The following COBL variants were observed in gnomAD, a reference collection of about 807,000 sequenced individuals.
COBL encodes the protein protein cordon-bleu.
In COBL, 51 loss-of-function variants were observed where a neutral mutation model predicts 98.8. The ratio of observed to expected loss-of-function variants is 0.52; its 90% CI spans 0.41 to 0.65. The LOEUF (loss-of-function observed/expected upper bound fraction) is 0.65. COBL is among the 30% of genes least tolerant of loss of function. The pLI, the probability that COBL is intolerant of heterozygous loss-of-function variation, is 0.00. For synonymous variants in COBL, 634 were observed against 651.7 expected, an observed-to-expected ratio of 0.97 and a Z score of 0.41; for missense variants, 1,617 against 1,617.5, an observed-to-expected ratio of 1.00 and a Z score of 0.01.
intron 1 of COBL, among the ~76,000 whole-genome samples, chr7:51,241,172 G>C (rs1795754569): frequency 6.6e-6 from 1 of 152,222 alleles, no homozygotes; most frequent in Non-Finnish European, 1.5e-5. Flanking sequence ...GATTATTAGA[G>C]AGAGCAAATT....
intron 1 of COBL, among the ~76,000 whole-genome samples, chr7:51,295,285 CA>C (rs10628772): frequency 3.0e-4 from 41 of 137,752 alleles, no homozygotes; most frequent in Non-Finnish European, 4.3e-4. Context: ...GACTCTGGCT[CA>C]AAAAAAAAAA....
chr7:51,192,297 T>C (rs1239457526), intron 3 of COBL, among the ~76,000 whole-genome samples: 1 of 152,168 alleles, frequency 6.6e-6, no homozygotes, highest in Non-Finnish European at 1.5e-5. Flanking sequence ...AAAAGATTAA[T>C]ATCAAAGCCT....
intron 5 of COBL, among the ~76,000 whole-genome samples, chr7:51,180,166 T>C (rs1348510208): frequency 1.3e-5 from 2 of 152,230 alleles, no homozygotes; most frequent in African/African-American, 2.4e-5. Context: ...CACTGGTTAT[T>C]TTACAAGGCT....
intron 1 of COBL, among the ~76,000 whole-genome samples, chr7:51,237,256 T>C (rs907146105): frequency 2.0e-5 from 3 of 152,196 alleles, no homozygotes; most frequent in Non-Finnish European, 4.4e-5. Flanking sequence ...GAGCTGAAAG[T>C]TAATTTTTTC....
intron 8 of COBL, among the ~76,000 whole-genome samples, chr7:51,037,066 GTCTCTC>G (rs149495968): frequency 6.6e-6 from 1 of 151,626 alleles, no homozygotes; most frequent in East Asian, 1.9e-4. Context: ...CTCTCTCTCT[GTCTCTC>G]TCTCTCTTAT....
chr7:51,233,421 T>TG (rs200687635), intron 1 of COBL, among the ~76,000 whole-genome samples: 5 of 127,016 alleles, frequency 3.9e-5, no homozygotes, highest in Non-Finnish European at 1.8e-5. Flanking sequence ...TTTCCTTCAG[T>TG]GGGGGGAAAA....
intron 6 of COBL, among the ~76,000 whole-genome samples, chr7:51,090,021 C>G (rs756291644): frequency 3.3e-5 from 5 of 152,164 alleles, no homozygotes; most frequent in Non-Finnish European, 7.3e-5. Context: ...TTAAAACACT[C>G]TGTAATTTTA....
At chr7:51,286,692 T>C (rs981037527) in intron 1 of COBL, among the ~76,000 whole-genome samples, 5 of 152,170 alleles carry the variant, frequency 3.3e-5, no homozygotes, top group Non-Finnish European at 7.4e-5. Context: ...CTGTGGAAAG[T>C]AGTTTAGAGA....
At chr7:51,059,319 A>G (rs1006291818) in intron 7 of COBL, among the ~76,000 whole-genome samples, 3 of 152,198 alleles carry the variant, frequency 2.0e-5, no homozygotes, top group African/African-American at 7.2e-5. Context: ...ACTCATTTTT[A>G]TCAGTTGGCC....
chr7:51,221,588 T>C (rs1239110774), intron 1 of COBL, among the ~76,000 whole-genome samples: 1 of 152,204 alleles, frequency 6.6e-6, no homozygotes, highest in Non-Finnish European at 1.5e-5. Context: ...CAGAATATTA[T>C]TTGTTTAGGA....
intron 1 of COBL, among the ~76,000 whole-genome samples, chr7:51,302,299 G>A (rs1403882093): frequency 6.6e-6 from 1 of 152,072 alleles, no homozygotes; most frequent in Non-Finnish European, 1.5e-5. Context: ...TCACAATTCT[G>A]GACTGGGCGC....
At chr7:51,294,431 G>C (rs1801214355) in intron 1 of COBL, among the ~76,000 whole-genome samples, 1 of 151,622 alleles carries the variant, frequency 6.6e-6, no homozygotes, top group Non-Finnish European at 1.5e-5. Flanking sequence ...TCAGAAGGTA[G>C]AGACCAGCCT....
At chr7:51,227,102 A>G (rs1794278746) in intron 1 of COBL, among the ~76,000 whole-genome samples, 1 of 152,166 alleles carries the variant, frequency 6.6e-6, no homozygotes, top group African/African-American at 2.4e-5. Context: ...GACACATACT[A>G]GAACGCTGGT....
chr7:51,086,416 G>A (rs1794252881), intron 6 of COBL, among the ~76,000 whole-genome samples: 2 of 148,878 alleles, frequency 1.3e-5, no homozygotes, highest in African/African-American at 4.9e-5. Flanking sequence ...TATGACAAGA[G>A]CTGTCCTGCT....
At chr7:51,162,625 G>A (rs924111078) in intron 5 of COBL, among the ~76,000 whole-genome samples, 2 of 152,092 alleles carry the variant, frequency 1.3e-5, no homozygotes, top group African/African-American at 2.4e-5. Flanking sequence ...GGAGGGCTCC[G>A]GTCAGGTTTA....
intron 6 of COBL, among the ~76,000 whole-genome samples, chr7:51,086,380 A>T (rs922732025): frequency 1.1e-4 from 16 of 148,380 alleles, no homozygotes; most frequent in Non-Finnish European, 3.0e-5. Flanking sequence ...AAAAAAAAAA[A>T]AAAAGAATGA....
chr7:51,084,623 A>G (rs1313945981), intron 7 of COBL, among the ~76,000 whole-genome samples: 1 of 152,160 alleles, frequency 6.6e-6, no homozygotes, highest in African/African-American at 2.4e-5. Flanking sequence ...CACAGATAGT[A>G]TAATTCCATC....
intron 1 of COBL, among the ~76,000 whole-genome samples, chr7:51,299,782 G>A (rs1801747395): frequency 6.6e-6 from 1 of 152,198 alleles, no homozygotes; most frequent in Non-Finnish European, 1.5e-5. Context: ...AGGTCTACTA[G>A]GGGGATGAGG....
intron 7 of COBL, among the ~76,000 whole-genome samples, chr7:51,066,099 G>A (rs554568913): frequency 9.8e-5 from 15 of 152,300 alleles, no homozygotes; most frequent in South Asian, 4.2e-4. Context: ...GTGTTGCTGC[G>A]CACTGTGATG....
Sources: allele counts gnomAD v4.1 joint callset (sites outside exome capture counted in the v4.1 genomes callset), GRCh38; gene constraint gnomAD v4.1.1; transcripts MANE v1.5; gene names NCBI Gene and HGNC (gene_info 2026-07-23, HGNC 2026-07-21).